Variants in FAM81A observed in about 807,000 individuals in gnomAD.
The protein encoded by FAM81A is protein FAM81A.
FAM81A carries 19 observed loss-of-function variants against 46.7 expected under a neutral mutation model. The ratio of observed to expected loss-of-function variants is 0.41; its 90% CI spans 0.28 to 0.60. FAM81A has a LOEUF of 0.60. FAM81A is among the 20% of genes least tolerant of loss of function. The probability of loss-of-function intolerance (pLI) is 0.34; values close to 1 mark genes in which losing one functional copy is unlikely to be tolerated. For synonymous variants in FAM81A, 183 were observed against 152.9 expected (o/e 1.20, Z -1.45); for missense variants, 377 against 453.5 (o/e 0.83, Z 1.53).
rs1027206935 is a variant in FAM81A, at chr15:59,497,338, C to T, written c.413+4949C>T. On this transcript the variant is annotated intron_variant, in intron 4 of 8. Transcript: ENST00000288228. ...GTGGCCACCTGTAATCCCAGCTACTCGGGTGGCTGAGGCAGGATAATCGCT... is the reference window on the plus strand; with the variant it reads ...GTGGCCACCTGTAATCCCAGCTACTTGGGTGGCTGAGGCAGGATAATCGCT... 2.7e-5 allele frequency among the ~76,000 whole-genome samples: 4 copies of T among 148,854 alleles called. No homozygotes were observed. The South Asian group carries it at 6.4e-4, about 24-fold the overall frequency.
At chr15:59,496,612 A>G (rs2082036840) in intron 4 of FAM81A, among the ~76,000 whole-genome samples, 1 of 152,120 alleles carries the variant, frequency 6.6e-6, no homozygotes, top group African/African-American at 2.4e-5. Flanking sequence ...CTCAAAAAAA[A>G]AAGAAAGAAA....
At chr15:59,418,845 C>G (rs770121146) in intron 2 of FAM81A, among the ~76,000 whole-genome samples, 2 of 152,198 alleles carry the variant, frequency 1.3e-5, no homozygotes, top group Non-Finnish European at 2.9e-5. Context: ...CCTCACAGAA[C>G]TGCTGTGAGG....
Position 59,516,730 on chromosome 15 carries a change from T to C in FAM81A, c.872T>C (p.Phe291Ser), listed in dbSNP as rs374566951. 600 of 1,613,566 alleles carry C rather than the reference T, an allele frequency of 3.7e-4. No homozygotes were observed. The highest frequency in any genetic ancestry group is 4.8e-4 in the Non-Finnish European group (569 of 1,179,808). Residue 291 changes from phenylalanine to serine, a missense_variant, in exon 8 of 9, where the codon TTT (phenylalanine) becomes TCT (serine). Physicochemically the swap from Phe to Ser is radical, Grantham distance 155 (BLOSUM62 -2). Coordinates refer to ENST00000288228, the MANE Select transcript of FAM81A (RefSeq NM_152450.3). ...DKIEEGQKKT[F>S]DGQRTRQEEE... The stretch of plus-strand genomic sequence containing the variant: ...ATAGAAGAGGGTCAAAAGAAGACTT[T>C]TGATGGTCAGAGAACAAGGCAAGAA...
At chr15:59,516,873 A>T in intron 8 of FAM81A, 33 bp downstream of exon 8, 1 of 1,534,236 alleles carries the variant, frequency 6.5e-7, no homozygotes, top group Non-Finnish European at 8.7e-7. Context: ...CACGTGCTTT[A>T]TTTTCTGTTT....
chr15:59,458,734 G>T, intron 2 of FAM81A, 88 bp downstream of exon 2: 1 of 1,253,038 alleles, frequency 8.0e-7, no homozygotes, highest in East Asian at 2.3e-5. Context: ...CATTATCGGA[G>T]AATGGTTTTG....
Position 59,413,417 on chromosome 15 carries a change from A to AACACACACAC in FAM81A, c.-78+11095_-78+11104dup, listed in dbSNP as rs535000983. Among the ~76,000 whole-genome samples the AACACACACAC allele has an allele frequency of 3.6e-3, 482 of 134,506 alleles. 4 individuals carry two copies. Among genetic ancestry groups the AACACACACAC allele is most frequent in the South Asian group, 9.2e-3 (36 of 3,914 alleles). 88.2% of individuals were successfully genotyped at this position (134,506 alleles called of 152,430 possible). ...CCTCAAAACTGGGTTGAGAGCATTA[A>AACACACACAC]ACACACACACACACACACACACACA... On this transcript the variant is annotated intron_variant, in intron 2 of 4. Coordinates refer to the FAM81A transcript ENST00000558348.
intron 3 of FAM81A, among the ~76,000 whole-genome samples, chr15:59,462,966 T>C (rs1284254137): frequency 1.3e-5 from 2 of 152,258 alleles, no homozygotes; most frequent in Admixed American, 1.3e-4. Context: ...CTGTGGCTTA[T>C]ATTTTCGTTT....
At position 59,449,928 on chromosome 15, in the gene FAM81A, C is replaced by CT. The variant is rs1212441960; in HGVS notation, c.-77-8613dup. 2.4e-4 allele frequency among the ~76,000 whole-genome samples: 35 copies of CT among 144,024 alleles called. No homozygotes were observed. The South Asian group carries it at 3.8e-3, about 15-fold the overall frequency. 94.5% of individuals were successfully genotyped at this position (144,024 alleles called of 152,430 possible). On this transcript the variant is annotated intron_variant, in intron 1 of 8. Transcript: ENST00000288228. ...ATTCATTTCTTTTTCTCTTTCTTTC[C>CT]TTTTTTTTTGTGAGACAAAATCTCA...
At chr15:59,485,379 T>C (rs1440788079) in intron 3 of FAM81A, among the ~76,000 whole-genome samples, 1 of 152,160 alleles carries the variant, frequency 6.6e-6, no homozygotes, top group Non-Finnish European at 1.5e-5. Flanking sequence ...GAGGTGCTTG[T>C]GCCCCACTTC....
intron 1 of FAM81A, among the ~76,000 whole-genome samples, chr15:59,449,510 G>T (rs1010822883): frequency 6.6e-6 from 1 of 152,064 alleles, no homozygotes; most frequent in Non-Finnish European, 1.5e-5. Flanking sequence ...GGCCGGGCAC[G>T]GTGGCTCACG....
rs191577183 is a variant in FAM81A at position 59,406,019 on chromosome 15, A to T, written c.-78+3661A>T. ...AAATACTATTCCTTTTATCCTTGCAACTCGACCCAGAAAGAGGTGGCTGTC... is the reference window on the plus strand; with the variant it reads ...AAATACTATTCCTTTTATCCTTGCATCTCGACCCAGAAAGAGGTGGCTGTC... On this transcript the variant is annotated intron_variant, in intron 2 of 4. Transcript: ENST00000558348. 3.3e-5 allele frequency among the ~76,000 whole-genome samples: 5 copies of T among 152,196 alleles called. No homozygotes were observed. In the East Asian group the frequency reaches 9.6e-4, roughly 29 times the overall value.
chr15:59,514,332 G>A lies in FAM81A; in HGVS notation c.694G>A (p.Ala232Thr). Residue 232 changes from alanine (A) to threonine (T), a missense_variant, in exon 7 of 9, where the codon GCA (alanine) becomes ACA (threonine). Ala to Thr is a moderately conservative substitution (Grantham distance 58). Transcript: ENST00000288228. ...GGAACTCAGTAACCAGATATTATCTGCACGGAGTTGGTTGCAACAGGAACA... is the reference window on the plus strand; with the variant it reads ...GGAACTCAGTAACCAGATATTATCTACACGGAGTTGGTTGCAACAGGAACA... ...VEELSNQILS[A>T]RSWLQQEQER... The A allele has an allele frequency of 1.9e-6, 3 of 1,613,222 alleles. No homozygotes were observed. Among genetic ancestry groups the A allele is most frequent in the Non-Finnish European group, 2.5e-6 (3 of 1,179,664 alleles).
At chr15:59,431,066 T>G (rs4483799) in intron 2 of FAM81A, among the ~76,000 whole-genome samples, 49,546 of 151,814 alleles carry the variant, frequency 0.33, 9,405 homozygotes, top group Non-Finnish European at 0.42. Flanking sequence ...GCCTTTGATC[T>G]CCATTTGAAC....
At position 59,452,784 on chromosome 15, in the gene FAM81A, C is replaced by T. The variant is rs148800412; in HGVS notation, c.-77-5766C>T. On this transcript the variant is annotated intron_variant, in intron 1 of 8. Coordinates refer to ENST00000288228, the MANE Select transcript of FAM81A (RefSeq NM_152450.3). ...TTATATTATATTATTTATTTAGAAA[C>T]AGGATCTCACTCTGTCACCTGAGCT... Among the ~76,000 whole-genome samples the T allele has an allele frequency of 5.9e-5, 9 of 152,272 alleles. No homozygotes were observed. The East Asian group carries it at 1.7e-3, about 29-fold the overall frequency.
chr15:59,402,177 C>T (rs1407558351), intron 1 of FAM81A: 2 of 221,110 alleles, frequency 9.0e-6, no homozygotes, highest in East Asian at 1.2e-4. Context: ...AATTTCTATC[C>T]CACGTGTTAC....
intron 3 of FAM81A, among the ~76,000 whole-genome samples, chr15:59,490,194 A>T (rs1246065379): frequency 6.6e-6 from 1 of 152,196 alleles, no homozygotes; most frequent in Non-Finnish European, 1.5e-5. Flanking sequence ...TCTCTAGGAC[A>T]TTGGAGTGGG....
At chr15:59,440,147 TA>T (rs1488705905) in intron 1 of FAM81A, 13 of 152,170 alleles carry the variant, frequency 8.5e-5, no homozygotes, top group African/African-American at 3.1e-4. Context: ...CTTGTGCCCC[TA>T]CCCTCCTTCT....
Position 59,401,780 on chromosome 15 carries a change from T to TG in FAM81A, c.-160-496_-160-495insG, listed in dbSNP as rs2081071890. On this transcript the variant is annotated intron_variant, in intron 1 of 4. Coordinates refer to the FAM81A transcript ENST00000558348. Reference sequence around the variant, plus strand: ...TGGAGTCTTTTCAGCATTTTTTTTTTTTTTTGGTGTTTCTCTTTTCATGCA... The same window carrying TG: ...TGGAGTCTTTTCAGCATTTTTTTTTTGTTTTTGGTGTTTCTCTTTTCATGCA... 6 of 740,858 alleles carry TG rather than the reference T, an allele frequency of 8.1e-6. No individual in the cohort carries two copies. In the South Asian group the frequency reaches 8.9e-5, roughly 11 times the overall value. 45.9% of individuals were successfully genotyped at this position (740,858 alleles called of 1,614,324 possible).
At chr15:59,453,817 AG>A (rs2081449401) in intron 1 of FAM81A, among the ~76,000 whole-genome samples, 1 of 152,028 alleles carries the variant, frequency 6.6e-6, no homozygotes, top group Non-Finnish European at 1.5e-5. Flanking sequence ...AGGCAAGAGG[AG>A]AGAGAGGAAT....
Sources: gnomAD v4.1 joint callset for allele counts (sites outside exome capture counted in the v4.1 genomes callset) on GRCh38, gnomAD v4.1.1 for gene constraint, MANE v1.5 for transcripts, NCBI Gene and HGNC (gene_info 2026-07-23, HGNC 2026-07-21) for gene names.